GPCPD1: variants seen among roughly 807,000 people sequenced by gnomAD.
GPCPD1 encodes glycerophosphocholine phosphodiesterase GPCPD1.
A neutral mutation model predicts 89.2 loss-of-function variants in GPCPD1; 29 were observed. The observed-to-expected ratio is 0.33, with a 90% confidence interval of 0.24 to 0.44. GPCPD1 has a LOEUF of 0.44. Ranked by LOEUF, GPCPD1 falls within the 20% of genes least tolerant of loss-of-function variation. The pLI is 1.00. For missense variants in GPCPD1, 594 were observed against 808.9 expected, an observed-to-expected ratio of 0.73 and a Z score of 3.22; for synonymous variants, 258 against 266.3, an observed-to-expected ratio of 0.97 and a Z score of 0.30.
rs773680482 is a variant in GPCPD1, at chr20:5,580,076, T to C, written c.405A>G (p.Leu135=). Residue 135 remains leucine (L), a synonymous_variant, in exon 7 of 20, where the codon TTA becomes TTG. Coordinates refer to ENST00000379019, the MANE Select transcript of GPCPD1 (RefSeq NM_019593.5). The stretch of plus-strand genomic sequence containing the variant: ...GAGGTTTTTCAGAATAATGCAAACG[T>C]AATCTTATTTCAGTCTGACATGTCA... The part of the protein sequence containing the change: ...GWLTCQTEIR[L]RLHYSEKPPV... The C allele has an allele frequency of 1.9e-5, 28 of 1,495,544 alleles. No homozygotes were observed. The East Asian group carries it at 2.0e-4, about 11-fold the overall frequency. 92.6% of individuals were successfully genotyped at this position (1,495,544 alleles called of 1,614,324 possible). A position where few individuals can be genotyped will look rare whatever the true frequency, so the allele number is the denominator to read the frequency against.
intron 11 of GPCPD1, among the ~76,000 whole-genome samples, chr20:5,571,853 G>T (rs1005130077): frequency 6.6e-6 from 1 of 151,186 alleles, no homozygotes; most frequent in East Asian, 1.9e-4. Context: ...AGGTTGCAGT[G>T]AACCAAGATC....
At chr20:5,590,388 T>C (rs1405126173) in intron 4 of GPCPD1, among the ~76,000 whole-genome samples, 1 of 150,944 alleles carries the variant, frequency 6.6e-6, no homozygotes, top group Non-Finnish European at 1.5e-5. Flanking sequence ...TAAAACAATA[T>C]AAAAATTAGC....
At chr20:5,594,547 C>T (rs1256862122) in intron 3 of GPCPD1, among the ~76,000 whole-genome samples, 1 of 152,040 alleles carries the variant, frequency 6.6e-6, no homozygotes, top group Non-Finnish European at 1.5e-5. Context: ...CCGCCTCGGC[C>T]TCCCAAAGTG....
intron 12 of GPCPD1, among the ~76,000 whole-genome samples, chr20:5,569,902 G>A (rs572757945): frequency 6.6e-6 from 1 of 152,016 alleles, no homozygotes. Context: ...CACCTGGAAT[G>A]TCCCTTTTTT....
At chr20:5,585,927 CA>C (rs1274005954) in intron 5 of GPCPD1, 9 of 323,982 alleles carry the variant, frequency 2.8e-5, no homozygotes, top group Non-Finnish European at 5.0e-5. Flanking sequence ...CTAACCATTC[CA>C]AATGAAAGTG....
chr20:5,567,640 G>A, intron 12 of GPCPD1, 80 bp from the exon 13 acceptor site: 1 of 1,271,530 alleles, frequency 7.9e-7, no homozygotes, highest in South Asian at 1.5e-5. Context: ...AATTATTACT[G>A]AATGCTTACA....
At chr20:5,591,108 G>A (rs1979300867) in intron 4 of GPCPD1, among the ~76,000 whole-genome samples, 1 of 152,142 alleles carries the variant, frequency 6.6e-6, no homozygotes. Flanking sequence ...TCATACCAAT[G>A]TTTTCATTCC....
intron 7 of GPCPD1, 23 bp downstream of exon 7, chr20:5,579,985 G>C: frequency 6.8e-7 from 1 of 1,469,342 alleles, no homozygotes. Flanking sequence ...AATAGCCTAA[G>C]TAACACATAA....
intron 19 of GPCPD1, among the ~76,000 whole-genome samples, chr20:5,557,727 T>C (rs544608071): frequency 6.6e-6 from 1 of 152,298 alleles, no homozygotes; most frequent in Non-Finnish European, 1.5e-5. Flanking sequence ...ATTTAGTATA[T>C]ATATCTGAGT....
intron 10 of GPCPD1, among the ~76,000 whole-genome samples, chr20:5,574,707 C>T (rs990006153): frequency 2.0e-5 from 3 of 152,176 alleles, no homozygotes; most frequent in Admixed American, 2.0e-4. Flanking sequence ...CACTGCACTC[C>T]AGCCTGAACG....
chr20:5,559,219 A>T (rs566080679), intron 17 of GPCPD1, among the ~76,000 whole-genome samples: 24 of 149,794 alleles, frequency 1.6e-4, no homozygotes, highest in South Asian at 6.3e-4. Flanking sequence ...AAATAGATTT[A>T]AAAAAAAAAG....
At chr20:5,607,310 A>C (rs1055815362) in intron 1 of GPCPD1, among the ~76,000 whole-genome samples, 1 of 146,312 alleles carries the variant, frequency 6.8e-6, no homozygotes, top group Non-Finnish European at 1.5e-5. Flanking sequence ...GAAAGAAAAA[A>C]GGCCGGGCAT....
Position 5,593,059 on chromosome 20 carries a change from G to A in GPCPD1, c.231+268C>T, listed in dbSNP as rs1345747358. On this transcript the variant is annotated intron_variant, in intron 4 of 19. Transcript: ENST00000379019. Reference sequence around the variant, plus strand: ...TCCTAACTAGTTTACAAAAGTTACCGAAAATGCACACTTACAGAGAACACA... The same window carrying A: ...TCCTAACTAGTTTACAAAAGTTACCAAAAATGCACACTTACAGAGAACACA... Among the ~76,000 whole-genome samples, 44 of 152,104 alleles carry A rather than the reference G, an allele frequency of 2.9e-4. 1 individual carries two copies. The highest frequency in any genetic ancestry group is 2.9e-3 in the Admixed American group (44 of 15,272).
chr20:5,608,308 C>T (rs1226609844), intron 1 of GPCPD1, among the ~76,000 whole-genome samples: 1 of 152,124 alleles, frequency 6.6e-6, no homozygotes, highest in Admixed American at 6.6e-5. Flanking sequence ...AAAAACACCT[C>T]CCAGAAAACC....
At chr20:5,605,178 G>A (rs950271250) in intron 1 of GPCPD1, among the ~76,000 whole-genome samples, 2 of 152,114 alleles carry the variant, frequency 1.3e-5, no homozygotes, top group South Asian at 2.1e-4. Flanking sequence ...ATACATGCCC[G>A]AAATACACAC....
chr20:5,553,860 C>T (rs1600712479), intron 19 of GPCPD1, among the ~76,000 whole-genome samples: 1 of 152,192 alleles, frequency 6.6e-6, no homozygotes, highest in Non-Finnish European at 1.5e-5. Flanking sequence ...GTCTCCATAA[C>T]GTAAAAGTGC....
intron 3 of GPCPD1, among the ~76,000 whole-genome samples, chr20:5,597,717 C>T (rs910375819): frequency 1.3e-5 from 2 of 152,196 alleles, no homozygotes; most frequent in South Asian, 2.1e-4. Context: ...ATGCTAACCC[C>T]TTTTTATCAT....
rs566249213 is a variant in GPCPD1, at chr20:5,605,527, C to G, written c.-28-1087G>C. On this transcript the variant is annotated intron_variant, in intron 1 of 19. Coordinates refer to ENST00000379019, the MANE Select transcript of GPCPD1 (RefSeq NM_019593.5). ...AGGCAAGTGGCTCACACCTGTAATCCCAGCACTTTGGGAGGCCGAGGAGGG... is the reference window on the plus strand; with the variant it reads ...AGGCAAGTGGCTCACACCTGTAATCGCAGCACTTTGGGAGGCCGAGGAGGG... Among the ~76,000 whole-genome samples the G allele has an allele frequency of 2.6e-5, 4 of 152,112 alleles. No homozygotes were observed. In the South Asian group the frequency reaches 6.3e-4, roughly 24 times the overall value.
At position 5,567,574 on chromosome 20, in the gene GPCPD1, AAAAAG is replaced by A. The variant is rs755097445; in HGVS notation, c.1150-19_1150-15del. The stretch of plus-strand genomic sequence containing the variant: ...AGCATCAAATTTCTAAAAAAAAAAA[AAAAAG>A]AAAGAAAGAAAAAGAAAGAATAAAG... On this transcript the variant is annotated splice_polypyrimidine_tract_variant and intron_variant, in intron 12 of 19. Coordinates refer to ENST00000379019, the MANE Select transcript of GPCPD1 (RefSeq NM_019593.5). 81 of 1,547,152 alleles carry A rather than the reference AAAAAG, an allele frequency of 5.2e-5. No homozygotes were observed. Among genetic ancestry groups the A allele is most frequent in the African/African-American group, 3.4e-4 (24 of 71,566 alleles).
Sources: allele counts gnomAD v4.1 joint callset (sites outside exome capture counted in the v4.1 genomes callset), GRCh38; gene constraint gnomAD v4.1.1; transcripts MANE v1.5; gene names NCBI Gene and HGNC (gene_info 2026-07-23, HGNC 2026-07-21).